OTULINL: variants seen among roughly 807,000 people sequenced by gnomAD.
OTULINL encodes the protein inactive ubiquitin thioesterase OTULINL.
Under a neutral mutation model 43.9 loss-of-function variants are expected in OTULINL, and 42 were observed. The observed-to-expected ratio is 0.96, with a 90% CI of 0.75 to 1.24. The LOEUF is 1.24. Ranked by LOEUF, OTULINL falls within the 50% of genes most tolerant of loss-of-function variation. The pLI is 0.00. For missense variants in OTULINL, 411 were observed against 426.4 expected, an observed-to-expected ratio of 0.96 and a Z score of 0.32; for synonymous variants, 172 against 153.6, an observed-to-expected ratio of 1.12 and a Z score of -0.88.
intron 1 of OTULINL, among the ~76,000 whole-genome samples, chr5:14,590,557 G>A (rs547446656): frequency 6.6e-6 from 1 of 152,290 alleles, no homozygotes; most frequent in South Asian, 2.1e-4. Flanking sequence ...GTCCATGATA[G>A]GAGACAGGGG....
At chr5:14,596,437 C>T (rs1422231184) in intron 1 of OTULINL, among the ~76,000 whole-genome samples, 1 of 152,154 alleles carries the variant, frequency 6.6e-6, no homozygotes, top group African/African-American at 2.4e-5. Context: ...TGCTGGAGGT[C>T]ATCAGAACTG....
At position 14,611,721 on chromosome 5, in the gene OTULINL, T is replaced by C. The variant is rs1759585962; in HGVS notation, c.*1407T>C. On this transcript the variant is annotated 3_prime_UTR_variant, in exon 8 of 8. Transcript: ENST00000274217. ...AATTTGATAGTTTTTTTTTTGGAGG[T>C]ACTTTGCTAGTCTGTTTTGAGTTTC... 6.6e-6 allele frequency: 1 copy of C among 152,116 alleles called. No homozygotes were observed. Among genetic ancestry groups the C allele is most frequent in the Non-Finnish European group, 1.5e-5 (1 of 68,018 alleles). The allele number at this position is 152,116 out of a possible 1,614,324, so 9.4% of individuals were successfully genotyped here. A position where few individuals can be genotyped will look rare whatever the true frequency, so the allele number is the denominator to read the frequency against.
At chr5:14,583,848 C>T (rs1441729838) in intron 1 of OTULINL, among the ~76,000 whole-genome samples, 3 of 152,100 alleles carry the variant, frequency 2.0e-5, no homozygotes, top group Non-Finnish European at 4.4e-5. Context: ...CAGCAAGTAA[C>T]ACTTGACAGT....
rs1029933191 is a variant in OTULINL, at chr5:14,607,416, G to T, written c.585G>T (p.Val195=). Residue 195 remains valine (V), a synonymous_variant, in exon 6 of 8, where the codon GTG becomes GTT. Transcript: ENST00000274217. ...CTGAGAAGTATACAGGCTCGAATGT[G>T]TTTGGAAAACTACGGAAATATGTGG... ...FGPEKYTGSN[V]FGKLRKYVEL... The T allele has an allele frequency of 3.7e-6, 6 of 1,614,110 alleles. No individual in the cohort carries two copies. Among genetic ancestry groups the T allele is most frequent in the Non-Finnish European group, 5.1e-6 (6 of 1,179,996 alleles).
Position 14,605,151 on chromosome 5 carries a change from G to C in OTULINL, c.499-2179G>C, listed in dbSNP as rs867834701. On this transcript the variant is annotated intron_variant, in intron 5 of 7. Transcript: ENST00000274217. ...CTGTATATCCTCTGAAACCTGGGTG[G>C]AGGTTCCCAACCCTCAGTTCTTGAC... 3.7e-4 allele frequency among the ~76,000 whole-genome samples: 56 copies of C among 152,212 alleles called. 1 individual carries two copies. Among genetic ancestry groups the C allele is most frequent in the Non-Finnish European group, 1.0e-4 (7 of 68,044 alleles).
At chr5:14,594,439 G>T (rs1241370107) in intron 1 of OTULINL, among the ~76,000 whole-genome samples, 2 of 152,214 alleles carry the variant, frequency 1.3e-5, no homozygotes, top group Non-Finnish European at 2.9e-5. Context: ...TCACACTGAG[G>T]CCTAAGGAGA....
At chr5:14,583,904 T>C (rs1242351948) in intron 1 of OTULINL, among the ~76,000 whole-genome samples, 4 of 152,168 alleles carry the variant, frequency 2.6e-5, no homozygotes, top group African/African-American at 9.7e-5. Flanking sequence ...TTTTTTTTTG[T>C]TTGATTTTTA....
chr5:14,583,225 C>T (rs1468188608), intron 1 of OTULINL, among the ~76,000 whole-genome samples: 2 of 152,204 alleles, frequency 1.3e-5, no homozygotes, highest in Admixed American at 6.5e-5. Context: ...GATGTGTCCT[C>T]ATCCATAAAA....
At chr5:14,608,393 C>A (rs766840720) in intron 6 of OTULINL, among the ~76,000 whole-genome samples, 10 of 152,108 alleles carry the variant, frequency 6.6e-5, no homozygotes, top group Non-Finnish European at 1.0e-4. Context: ...TGTGTCTTCA[C>A]ATAGTGGAAG....
Position 14,600,969 on chromosome 5 carries a change from T to A in OTULINL, c.69T>A (p.Ser23Arg), listed in dbSNP as rs750725885. 2.9e-5 allele frequency: 40 copies of A among 1,382,472 alleles called. No homozygotes were observed. Among genetic ancestry groups the A allele is most frequent in the Non-Finnish European group, 3.7e-5 (39 of 1,063,782 alleles). The allele number at this position is 1,382,472 out of a possible 1,614,324, so 85.6% of individuals were successfully genotyped here. A position where few individuals can be genotyped will look rare whatever the true frequency, so the allele number is the denominator to read the frequency against. ...RERSGAPAAGSDQVHSWMLAT... is the reference protein window; with the variant it reads ...RERSGAPAAGRDQVHSWMLAT... The stretch of plus-strand genomic sequence containing the variant: ...TTTTTTTTGTAATTTTCATAGGAAG[T>A]GACCAAGTTCACTCCTGGATGCTAG... The change falls in exon 2 of 8, where the codon AGT (serine) becomes AGA (arginine). Residue 23 changes from serine to arginine, a missense_variant. Ser to Arg is a moderately radical substitution (Grantham distance 110, BLOSUM62 -1). Transcript: ENST00000274217.
intron 1 of OTULINL, among the ~76,000 whole-genome samples, chr5:14,599,509 A>G (rs1356377101): frequency 2.6e-5 from 4 of 152,074 alleles, no homozygotes; most frequent in African/African-American, 4.8e-5. Context: ...AAAAATTGCT[A>G]GTGTTTTTTT....
intron 1 of OTULINL, among the ~76,000 whole-genome samples, chr5:14,593,912 T>C (rs1358054708): frequency 6.6e-6 from 1 of 152,234 alleles, no homozygotes; most frequent in Admixed American, 6.5e-5. Context: ...TACAGTTGAA[T>C]GTCTTAGTGG....
chr5:14,596,969 A>T (rs945911394), intron 1 of OTULINL, among the ~76,000 whole-genome samples: 1 of 152,192 alleles, frequency 6.6e-6, no homozygotes, highest in Non-Finnish European at 1.5e-5. Context: ...TTTTGTGATT[A>T]AGTTTCCAAC....
intron 1 of OTULINL, among the ~76,000 whole-genome samples, chr5:14,599,011 A>T (rs1759339353): frequency 6.6e-6 from 1 of 152,244 alleles, no homozygotes; most frequent in East Asian, 1.9e-4. Flanking sequence ...AATTAATAAA[A>T]ATCTAAATTA....
intron 5 of OTULINL, among the ~76,000 whole-genome samples, chr5:14,602,707 A>G (rs753773100): frequency 1.4e-4 from 22 of 152,086 alleles, no homozygotes; most frequent in Non-Finnish European, 2.9e-4. Context: ...GAGTGCTTGG[A>G]TTATAGGTGT....
At position 14,615,635 on chromosome 5, in the gene OTULINL, T is replaced by C. The variant is rs534287343; in HGVS notation, c.*5321T>C. On this transcript the variant is annotated 3_prime_UTR_variant, in exon 8 of 8. Coordinates refer to ENST00000274217, the MANE Select transcript of OTULINL (RefSeq NM_019018.3). Reference sequence around the variant, plus strand: ...CATTGTGGGTAAGTAGAACAAATATTTACATCTGTTATGAAAAGCTACCTT... The same window carrying C: ...CATTGTGGGTAAGTAGAACAAATATCTACATCTGTTATGAAAAGCTACCTT... Among the ~76,000 whole-genome samples, 51 of 152,284 alleles carry C rather than the reference T, an allele frequency of 3.3e-4. No homozygotes were observed. Among genetic ancestry groups the C allele is most frequent in the African/African-American group, 1.2e-3 (51 of 41,558 alleles).
At chr5:14,602,592 C>T (rs1280400310) in intron 5 of OTULINL, among the ~76,000 whole-genome samples, 1 of 152,056 alleles carries the variant, frequency 6.6e-6, no homozygotes, top group Non-Finnish European at 1.5e-5. Context: ...CATGCCACCA[C>T]GCCCATGTAA....
chr5:14,609,712 GCTCCGCCTTCCGGGT>G (rs894354800), intron 7 of OTULINL, among the ~76,000 whole-genome samples: 14 of 148,708 alleles, frequency 9.4e-5, no homozygotes, highest in African/African-American at 3.5e-4. Flanking sequence ...CTCACTGCAA[GCTCCGCCTTCCGGGT>G]TCACGCCATT....
At chr5:14,590,735 A>G (rs1759187297) in intron 1 of OTULINL, among the ~76,000 whole-genome samples, 2 of 152,208 alleles carry the variant, frequency 1.3e-5, no homozygotes, top group African/African-American at 2.4e-5. Flanking sequence ...GACTGTCACT[A>G]CTATTCTTGG....
Sources: allele counts gnomAD v4.1 joint callset (sites outside exome capture counted in the v4.1 genomes callset), GRCh38; gene constraint gnomAD v4.1.1; transcripts MANE v1.5; gene names NCBI Gene and HGNC (gene_info 2026-07-23, HGNC 2026-07-21).